The following HPGD variants were observed in gnomAD, a reference collection of about 807,000 sequenced individuals.
The protein encoded by HPGD is 15-hydroxyprostaglandin dehydrogenase [NAD(+)].
In HPGD, 29 loss-of-function variants were observed where a neutral mutation model predicts 30.0. The observed-to-expected ratio is 0.97, with a 90% confidence interval of 0.72 to 1.32. The LOEUF is 1.32. HPGD is among the 40% of genes most tolerant of loss of function. The pLI, the probability that HPGD is intolerant of heterozygous loss-of-function variation, is 0.00. For missense variants in HPGD, 340 were observed against 322.1 expected (o/e 1.06, Z -0.43); for synonymous variants, 99 against 112.4 (o/e 0.88, Z 0.75).
In HPGD at chr4:174,502,732, A is replaced by G. The variant is rs45490699; in HGVS notation, c.421+5964T>C. On this transcript the variant is annotated intron_variant, in intron 4 of 6. Transcript: ENST00000296522. The stretch of plus-strand genomic sequence containing the variant: ...CTTTCATAAAACCACTATATATTCT[A>G]TAACAAAAATCTTCCCAGAAAGATA... Among the ~76,000 whole-genome samples the G allele has an allele frequency of 2.6e-3, 393 of 151,256 alleles. 5 individuals carry two copies. The highest frequency in any genetic ancestry group is 8.6e-3 in the African/African-American group (354 of 41,322).
Position 174,491,150 on chromosome 4 carries a change from G to GA in HPGD, c.*805dup, listed in dbSNP as rs1238504753. 6.6e-6 allele frequency: 1 copy of GA among 152,462 alleles called. No individual in the cohort carries two copies. Among genetic ancestry groups the GA allele is most frequent in the Non-Finnish European group, 1.5e-5 (1 of 67,906 alleles). 9.4% of individuals were successfully genotyped at this position (152,462 alleles called of 1,614,324 possible). On this transcript the variant is annotated 3_prime_UTR_variant, in exon 7 of 7. Coordinates refer to ENST00000296522, the MANE Select transcript of HPGD (RefSeq NM_000860.6). ...GGACAAGTCAATAAAGAAGTAATTTGAAAAAAATATTACATTTGCATTTTT... is the reference window on the plus strand; with the variant it reads ...GGACAAGTCAATAAAGAAGTAATTTGAAAAAAAATATTACATTTGCATTTTT...
At chr4:174,512,560 A>T (rs1224240184) in intron 3 of HPGD, among the ~76,000 whole-genome samples, 1 of 152,214 alleles carries the variant, frequency 6.6e-6, no homozygotes, top group Non-Finnish European at 1.5e-5. Flanking sequence ...CAGAGTTTCA[A>T]AAAAGAGTTA....
At chr4:174,520,285 T>G (rs1736035885) in intron 2 of HPGD, among the ~76,000 whole-genome samples, 2 of 152,242 alleles carry the variant, frequency 1.3e-5, no homozygotes, top group African/African-American at 4.8e-5. Flanking sequence ...TTGCTGACAT[T>G]TATATGCTAT....
chr4:174,499,324 G>C (rs918303255), intron 4 of HPGD, among the ~76,000 whole-genome samples: 8 of 152,164 alleles, frequency 5.3e-5, no homozygotes, highest in Non-Finnish European at 1.2e-4. Flanking sequence ...GCCCAGGTAG[G>C]AAGAGAAGCA....
Position 174,491,907 on chromosome 4 carries a change from A to G in HPGD, c.*49T>C. 1 of 1,519,702 alleles carries G rather than the reference A, an allele frequency of 6.6e-7. No individual in the cohort carries two copies. Among genetic ancestry groups the G allele is most frequent in the Non-Finnish European group, 9.1e-7 (1 of 1,095,574 alleles). 94.1% of individuals were successfully genotyped at this position (1,519,702 alleles called of 1,614,324 possible). A position where few individuals can be genotyped will look rare whatever the true frequency, so the allele number is the denominator to read the frequency against. ...ATATTCAAATGAAGATAGGATCTGA[A>G]TATAAGCTATTTGTGCTTATTTTCA... On this transcript the variant is annotated 3_prime_UTR_variant, in exon 7 of 7. Transcript: ENST00000296522.
At position 174,497,568 on chromosome 4, in the gene HPGD, C is replaced by CTTTTTTTTTTTTTTTTTTTTT; in HGVS notation, c.422-1965_422-1945dup. On this transcript the variant is annotated intron_variant, in intron 4 of 6. Coordinates refer to ENST00000296522, the MANE Select transcript of HPGD (RefSeq NM_000860.6). ...CACTTTCTTTTCTTTCTTTTTCTTT[C>CTTTTTTTTTTTTTTTTTTTTT]TTTTTTTTTTTTTTTTTTTTTTTTT... 1.4e-3 allele frequency among the ~76,000 whole-genome samples: 72 copies of CTTTTTTTTTTTTTTTTTTTTT among 51,098 alleles called. 7 individuals are homozygous for CTTTTTTTTTTTTTTTTTTTTT. The highest frequency in any genetic ancestry group is 1.7e-3 in the African/African-American group (26 of 14,962). 33.5% of individuals were successfully genotyped at this position (51,098 alleles called of 152,430 possible).
chr4:174,500,803 T>C (rs1232653476), intron 4 of HPGD, among the ~76,000 whole-genome samples: 3 of 152,184 alleles, frequency 2.0e-5, no homozygotes, highest in Admixed American at 2.0e-4. Flanking sequence ...TTTGATATTA[T>C]AGTGGTAGAT....
At position 174,492,221 on chromosome 4, in the gene HPGD, T is replaced by C; in HGVS notation, c.663-127A>G. The C allele has an allele frequency of 1.3e-6, 1 of 798,834 alleles. No homozygotes were observed. The highest frequency in any genetic ancestry group is 2.1e-5 in the Admixed American group (1 of 48,516). 49.5% of individuals were successfully genotyped at this position (798,834 alleles called of 1,614,324 possible). A position where few individuals can be genotyped will look rare whatever the true frequency, so the allele number is the denominator to read the frequency against. On this transcript the variant is annotated intron_variant, in intron 6 of 6. Transcript: ENST00000296522. This position sits in a 1 kb window ranked among gnomAD's most constrained non-coding sequence, Gnocchi z 4.9. The stretch of plus-strand genomic sequence containing the variant: ...AGGGAAATGTGTGTCATTAAACTAT[T>C]GCTACTTCCAATTTTTATTTAATTC...
Position 174,494,820 on chromosome 4 carries a change from T to C in HPGD, c.498+728A>G, listed in dbSNP as rs1409291732. ...CAGAATGGTCTTCTTAAAAAGGAAA[T>C]CTGATCTTATCACTCCTGCGTGTAA... On this transcript the variant is annotated intron_variant, in intron 5 of 6. Transcript: ENST00000296522. The surrounding 1 kb of genome is among the most constrained non-coding windows in gnomAD (Gnocchi z 4.9). 6.6e-6 allele frequency among the ~76,000 whole-genome samples: 1 copy of C among 152,120 alleles called. No homozygotes were observed. Among genetic ancestry groups the C allele is most frequent in the African/African-American group, 2.4e-5 (1 of 41,406 alleles).
In HPGD at chr4:174,491,226, T is replaced by A. The variant is rs1015375334; in HGVS notation, c.*730A>T. The A allele has an allele frequency of 1.3e-5, 2 of 152,696 alleles. No homozygotes were observed. The highest frequency in any genetic ancestry group is 2.9e-5 in the Non-Finnish European group (2 of 67,964). The allele number at this position is 152,696 out of a possible 1,614,324, so 9.5% of individuals were successfully genotyped here. ...TATTTTTGGAGTACTAACTATTCTTTATTGCTGTAACTGTTAAAAGTTTAA... is the reference window on the plus strand; with the variant it reads ...TATTTTTGGAGTACTAACTATTCTTAATTGCTGTAACTGTTAAAAGTTTAA... On this transcript the variant is annotated 3_prime_UTR_variant, in exon 7 of 7. Transcript: ENST00000296522.
intron 4 of HPGD, among the ~76,000 whole-genome samples, chr4:174,500,679 T>C (rs1381270780): frequency 6.6e-6 from 1 of 152,130 alleles, no homozygotes; most frequent in Non-Finnish European, 1.5e-5. Context: ...CTATATGACA[T>C]CTGGAAAAGG....
chr4:174,495,323 T>C, intron 5 of HPGD: 1 of 565,500 alleles, frequency 1.8e-6, no homozygotes. Context: ...TTAATACATT[T>C]TTTTTAAATA....
intron 3 of HPGD, among the ~76,000 whole-genome samples, chr4:174,510,546 A>T (rs987647942): frequency 1.3e-5 from 2 of 152,252 alleles, no homozygotes; most frequent in African/African-American, 4.8e-5. Flanking sequence ...ATGAAGCCAG[A>T]TAGAAAATTT....
chr4:174,502,523 A>G (rs1734957284), intron 4 of HPGD, among the ~76,000 whole-genome samples: 1 of 150,784 alleles, frequency 6.6e-6, no homozygotes, highest in African/African-American at 2.4e-5. Context: ...CTAAAAATAC[A>G]AAAAATTAGC....
At chr4:174,521,876 G>T in intron 2 of HPGD, 68 bp downstream of exon 2, 3 of 1,599,446 alleles carry the variant, frequency 1.9e-6, no homozygotes. Flanking sequence ...CCCCCTGGCC[G>T]GGCTGCCTTC....
intron 4 of HPGD, among the ~76,000 whole-genome samples, chr4:174,502,524 A>G (rs527452640): frequency 7.2e-5 from 11 of 152,160 alleles, no homozygotes; most frequent in Non-Finnish European, 1.5e-4. Context: ...TAAAAATACA[A>G]AAAATTAGCC....
chr4:174,514,649 C>A (rs1735676629), intron 3 of HPGD, among the ~76,000 whole-genome samples: 1 of 152,026 alleles, frequency 6.6e-6, no homozygotes, highest in African/African-American at 2.4e-5. Context: ...CAACATAGTA[C>A]TGGAAATCCA....
intron 3 of HPGD, 60 bp from the exon 4 acceptor site, chr4:174,508,852 C>G: frequency 1.1e-6 from 1 of 918,428 alleles, no homozygotes; most frequent in South Asian, 1.3e-5. Flanking sequence ...CATATTTTCA[C>G]ACACCAAAGT....
intron 2 of HPGD, among the ~76,000 whole-genome samples, chr4:174,519,239 A>G (rs1735950952): frequency 6.9e-6 from 1 of 144,026 alleles, no homozygotes; most frequent in Non-Finnish European, 1.5e-5. Context: ...TTTGAGTCGG[A>G]GCCTCGTTCT....
Sources: allele counts gnomAD v4.1 joint callset (sites outside exome capture counted in the v4.1 genomes callset), GRCh38; gene constraint gnomAD v4.1.1; non-coding constraint Gnocchi (gnomAD v3.1); transcripts MANE v1.5; gene names NCBI Gene and HGNC (gene_info 2026-07-23, HGNC 2026-07-21).